PRDM5: variants seen among roughly 807,000 people sequenced by gnomAD.
PRDM5 encodes PR/SET domain 5.
In PRDM5, 56 loss-of-function variants were observed where a neutral mutation model predicts 81.2. That is an observed-to-expected ratio of 0.69 (90% CI 0.56 to 0.86). The LOEUF is 0.86. PRDM5 is among the 40% of genes least tolerant of loss of function. PRDM5 has a pLI of 0.00. For synonymous variants in PRDM5, 267 were observed against 256.4 expected (o/e 1.04, Z -0.39); for missense variants, 697 against 770.1 (o/e 0.91, Z 1.12).
At chr4:120,696,191 A>G (rs1734499689) in intron 15 of PRDM5, among the ~76,000 whole-genome samples, 1 of 152,134 alleles carries the variant, frequency 6.6e-6, no homozygotes, top group East Asian at 1.9e-4. Flanking sequence ...GAATTTTGAC[A>G]CAGAAGTAGC....
At chr4:120,717,670 G>T in intron 14 of PRDM5, among the ~76,000 whole-genome samples, 1 of 152,134 alleles carries the variant, frequency 6.6e-6, no homozygotes, top group East Asian at 1.9e-4. Flanking sequence ...AAGATTAGAG[G>T]TATGACCCCA....
intron 2 of PRDM5, among the ~76,000 whole-genome samples, chr4:120,904,294 T>A (rs1476979779): frequency 7.0e-6 from 1 of 142,180 alleles, no homozygotes; most frequent in Non-Finnish European, 1.5e-5. Context: ...TGGCTGACAA[T>A]CCGAAATGAA....
At chr4:120,733,335 C>G (rs540815554) in intron 14 of PRDM5, among the ~76,000 whole-genome samples, 1 of 152,302 alleles carries the variant, frequency 6.6e-6, no homozygotes, top group South Asian at 2.1e-4. Flanking sequence ...CCACCTCATG[C>G]TCCAGTTCTC....
intron 3 of PRDM5, among the ~76,000 whole-genome samples, chr4:120,845,060 G>A (rs1159106463): frequency 1.3e-5 from 2 of 152,182 alleles, no homozygotes; most frequent in Admixed American, 1.3e-4. Context: ...AGAGAGACAA[G>A]GAAGCTGCAG....
At chr4:120,729,756 T>G (rs1045011114) in intron 14 of PRDM5, among the ~76,000 whole-genome samples, 6 of 152,222 alleles carry the variant, frequency 3.9e-5, no homozygotes, top group Admixed American at 1.3e-4. Flanking sequence ...TTCAAAGTTT[T>G]AAAAATATTT....
intron 14 of PRDM5, among the ~76,000 whole-genome samples, chr4:120,734,725 T>G (rs897558829): frequency 6.6e-6 from 1 of 152,160 alleles, no homozygotes; most frequent in Non-Finnish European, 1.5e-5. Flanking sequence ...CTTAGCCACT[T>G]TTTTTTCCAT....
intron 13 of PRDM5, among the ~76,000 whole-genome samples, chr4:120,763,987 G>T (rs1261929403): frequency 6.6e-6 from 1 of 150,836 alleles, no homozygotes; most frequent in Non-Finnish European, 1.5e-5. Context: ...GCATAGTGCC[G>T]ATTTGCAGAA....
At chr4:120,723,871 A>G (rs995369190) in intron 14 of PRDM5, among the ~76,000 whole-genome samples, 7 of 151,350 alleles carry the variant, frequency 4.6e-5, no homozygotes, top group African/African-American at 1.7e-4. Flanking sequence ...TTTTATCTTA[A>G]AAAATTGCTA....
intron 3 of PRDM5, among the ~76,000 whole-genome samples, chr4:120,823,386 A>T (rs2149352477): frequency 6.6e-6 from 1 of 152,282 alleles, no homozygotes; most frequent in East Asian, 1.9e-4. Context: ...GCTCCACAGG[A>T]CCAGCTGCAT....
At chr4:120,702,457 C>T (rs183611641) in intron 15 of PRDM5, among the ~76,000 whole-genome samples, 3 of 152,132 alleles carry the variant, frequency 2.0e-5, no homozygotes, top group Non-Finnish European at 2.9e-5. Context: ...GCTCTCATAG[C>T]GGCCTTTACT....
At chr4:120,817,368 G>T (rs1754669693) in intron 5 of PRDM5, among the ~76,000 whole-genome samples, 1 of 152,080 alleles carries the variant, frequency 6.6e-6, no homozygotes, top group Non-Finnish European at 1.5e-5. Flanking sequence ...GCATATTTCA[G>T]AATTTTAGTT....
At chr4:120,762,529 T>A (rs1055774405) in intron 13 of PRDM5, 57 of 152,150 alleles carry the variant, frequency 3.7e-4, no homozygotes, top group African/African-American at 1.3e-3. Flanking sequence ...GCAAACTGAA[T>A]CATTCTAGGT....
At chr4:120,892,318 T>C (rs746004450) in intron 2 of PRDM5, among the ~76,000 whole-genome samples, 8 of 152,164 alleles carry the variant, frequency 5.3e-5, no homozygotes, top group African/African-American at 1.7e-4. Flanking sequence ...GTTCCATAGA[T>C]GTCTGTTGGC....
At chr4:120,810,629 T>A (rs1753708474) in intron 8 of PRDM5, 1 of 151,842 alleles carries the variant, frequency 6.6e-6, no homozygotes, top group Non-Finnish European at 1.5e-5. Context: ...AGTAGTTTCA[T>A]GGTACATAGA....
At chr4:120,790,699 A>G (rs1750437392) in intron 10 of PRDM5, among the ~76,000 whole-genome samples, 1 of 152,220 alleles carries the variant, frequency 6.6e-6, no homozygotes, top group Non-Finnish European at 1.5e-5. Context: ...TACATAACAT[A>G]AATCTGTAGA....
At chr4:120,804,032 A>G (rs1752530918) in intron 8 of PRDM5, among the ~76,000 whole-genome samples, 1 of 152,090 alleles carries the variant, frequency 6.6e-6, no homozygotes, top group South Asian at 2.1e-4. Flanking sequence ...ATGGAAAACA[A>G]AAAGGCAGGG....
intron 14 of PRDM5, among the ~76,000 whole-genome samples, chr4:120,734,923 C>G (rs1458604075): frequency 6.6e-6 from 1 of 152,168 alleles, no homozygotes; most frequent in South Asian, 2.1e-4. Flanking sequence ...TCTTCTCCCC[C>G]AGACTCTGCA....
At chr4:120,860,174 C>T (rs905072486) in intron 2 of PRDM5, among the ~76,000 whole-genome samples, 73 of 152,278 alleles carry the variant, frequency 4.8e-4, no homozygotes, top group African/African-American at 1.6e-3. Flanking sequence ...AAATCCTATA[C>T]CTGGACAACT....
intron 14 of PRDM5, among the ~76,000 whole-genome samples, chr4:120,733,766 A>G (rs1578515092): frequency 6.6e-6 from 1 of 152,276 alleles, no homozygotes; most frequent in African/African-American, 2.4e-5. Context: ...CAAAAAAGAT[A>G]TATAAATACC....
Sources: gnomAD v4.1 joint callset for allele counts (sites outside exome capture counted in the v4.1 genomes callset) on GRCh38, gnomAD v4.1.1 for gene constraint, MANE v1.5 for transcripts, NCBI Gene and HGNC (gene_info 2026-07-23, HGNC 2026-07-21) for gene names.